RIMS2: variants seen among roughly 807,000 people sequenced by gnomAD.
The protein encoded by RIMS2 is regulating synaptic membrane exocytosis 2, also known as regulating synaptic membrane exocytosis protein 2.
A neutral mutation model predicts 174.4 loss-of-function variants in RIMS2; 59 were observed. That is an observed-to-expected ratio of 0.34 (90% CI 0.27 to 0.42). The LOEUF (loss-of-function observed/expected upper bound fraction) is 0.42. RIMS2 is among the 10% of genes least tolerant of loss of function. RIMS2 has a pLI of 1.00. For synonymous variants in RIMS2, 606 were observed against 572.5 expected, an observed-to-expected ratio of 1.06 and a Z score of -0.84; for missense variants, 1,620 against 1,666.3, an observed-to-expected ratio of 0.97 and a Z score of 0.48.
intron 3 of RIMS2, among the ~76,000 whole-genome samples, chr8:103,848,777 CT>C (rs1433161841): frequency 6.6e-6 from 1 of 151,964 alleles, no homozygotes; most frequent in Non-Finnish European, 1.5e-5. Context: ...TGACAGGACC[CT>C]CACTTTACCA....
rs1564536528 is a variant in RIMS2, at chr8:103,759,584, A to AAAAAG, written c.388-6633_388-6629dup. 7.3e-5 allele frequency among the ~76,000 whole-genome samples: 11 copies of AAAAAG among 150,958 alleles called. No individual in the cohort carries two copies. In the East Asian group the frequency reaches 9.7e-4, roughly 13 times the overall value. ...CGTCTCAAAAAAAAAAAAAAAAAAA[A>AAAAAG]AAAAGAAAAGAAAAAAGAAAGGCCA... is the stretch of plus-strand genomic sequence containing the variant. On this transcript the variant is annotated intron_variant, in intron 2 of 23. Transcript: ENST00000504942.
chr8:103,920,232 A>G (rs1595153643), intron 9 of RIMS2, among the ~76,000 whole-genome samples: 1 of 152,040 alleles, frequency 6.6e-6, no homozygotes, highest in East Asian at 1.9e-4. Context: ...TCCTCAATAA[A>G]TTATTTTCTT....
chr8:104,094,405 A>G (rs767147162), intron 19 of RIMS2: 8 of 582,406 alleles, frequency 1.4e-5, no homozygotes, highest in Admixed American at 3.2e-5. Context: ...GTTTAATTTC[A>G]TAAGTGTTTT....
intron 1 of RIMS2, among the ~76,000 whole-genome samples, chr8:103,504,846 C>CTTTTTTTTTTTTTTTTTTTTTTT (rs11367763): frequency 2.1e-5 from 2 of 95,092 alleles, no homozygotes; most frequent in Non-Finnish European, 3.9e-5. Context: ...TTCTTTCTTT[C>CTTTTTTTTTTTTTTTTTTTTTTT]TTTTTTTTTT....
exon 7 of RIMS2, chr8:103,915,579 G>A (rs1439121112): frequency 1.3e-6 from 2 of 1,580,914 alleles, no homozygotes; most frequent in East Asian, 2.2e-5. Flanking sequence ...TGATACTGTA[G>A]GACATCTTAG....
intron 16 of RIMS2, among the ~76,000 whole-genome samples, chr8:103,978,841 T>C (rs950252914): frequency 6.6e-6 from 1 of 152,224 alleles, no homozygotes; most frequent in Non-Finnish European, 1.5e-5. Flanking sequence ...GTCAAATTTA[T>C]TGTGCGACTC....
intron 1 of RIMS2, among the ~76,000 whole-genome samples, chr8:103,635,438 C>A (rs13257740): frequency 0.12 from 17,671 of 152,022 alleles, 1,368 homozygotes; most frequent in Non-Finnish European, 0.17. Flanking sequence ...TGGGAATGGG[C>A]ACCGACATAA....
chr8:104,053,586 A>G lies in RIMS2; in HGVS notation c.3334+38971A>G, dbSNP rs113670972. Among the ~76,000 whole-genome samples the G allele has an allele frequency of 4.4e-3, 663 of 152,312 alleles. 7 individuals are homozygous for G. Among genetic ancestry groups the G allele is most frequent in the African/African-American group, 0.015 (631 of 41,574 alleles). The stretch of plus-strand genomic sequence containing the variant: ...TCAAATTTCTTAACTCTTCTTTTAA[A>G]ATGCAGTCAATATTTCGGATAATTA... On this transcript the variant is annotated intron_variant, in intron 19 of 23. Coordinates refer to ENST00000504942, the Ensembl canonical transcript of RIMS2.
At chr8:104,175,221 T>C (rs1405372823) in intron 19 of RIMS2, among the ~76,000 whole-genome samples, 1 of 152,218 alleles carries the variant, frequency 6.6e-6, no homozygotes, top group Non-Finnish European at 1.5e-5. Flanking sequence ...AGTTTTTTTT[T>C]CAGAAATATC....
chr8:103,992,273 T>C (rs1017933696), intron 17 of RIMS2, among the ~76,000 whole-genome samples: 1 of 107,064 alleles, frequency 9.3e-6, no homozygotes, highest in Admixed American at 9.1e-5. Context: ...CATGTCCAGC[T>C]ATTTTTTTTT....
At chr8:103,623,610 G>T (rs1266935016) in intron 1 of RIMS2, among the ~76,000 whole-genome samples, 1 of 146,178 alleles carries the variant, frequency 6.8e-6, no homozygotes, top group Non-Finnish European at 1.5e-5. Context: ...TCAGCCTCCC[G>T]AGTAGCTGGG....
chr8:103,809,883 T>C (rs1362818285), intron 3 of RIMS2, among the ~76,000 whole-genome samples: 1 of 152,154 alleles, frequency 6.6e-6, no homozygotes, highest in East Asian at 1.9e-4. Flanking sequence ...ACAGGTAGGG[T>C]AAAAAATCCA....
intron 19 of RIMS2, among the ~76,000 whole-genome samples, chr8:104,038,959 T>C (rs1031028819): frequency 1.3e-5 from 2 of 151,840 alleles, no homozygotes; most frequent in African/African-American, 4.8e-5. Context: ...GCAAATGACT[T>C]AATTGATACT....
intron 1 of RIMS2, among the ~76,000 whole-genome samples, chr8:103,528,485 G>C (rs1487759524): frequency 1.3e-5 from 2 of 152,172 alleles, no homozygotes; most frequent in African/African-American, 4.8e-5. Flanking sequence ...GTCCTGAATG[G>C]TATTGCCTAG....
intron 19 of RIMS2, among the ~76,000 whole-genome samples, chr8:104,071,101 T>C (rs1008043888): frequency 1.3e-5 from 2 of 152,206 alleles, no homozygotes; most frequent in Admixed American, 6.5e-5. Context: ...GCAATGATTC[T>C]TGTTATAGAA....
intron 1 of RIMS2, among the ~76,000 whole-genome samples, chr8:103,524,344 ACATTTGAAATGAAG>A (rs150461825): frequency 0.065 from 9,888 of 152,188 alleles, 387 homozygotes; most frequent in South Asian, 0.087. Context: ...TAGTGCTGAT[ACATTTGAAATGAAG>A]CATTTGAAAT....
chr8:103,714,056 AC>A (rs759805592), intron 2 of RIMS2, among the ~76,000 whole-genome samples: 84 of 152,136 alleles, frequency 5.5e-4, no homozygotes, highest in African/African-American at 2.0e-3. Context: ...TTAACCACTC[AC>A]TTTTTTGTGC....
At chr8:104,250,428 T>C (rs1227480055) in intron 22 of RIMS2, among the ~76,000 whole-genome samples, 3 of 152,238 alleles carry the variant, frequency 2.0e-5, no homozygotes, top group African/African-American at 7.2e-5. Context: ...TGTGTTTATA[T>C]ATGTCTTAGA....
intron 1 of RIMS2, among the ~76,000 whole-genome samples, chr8:103,615,854 GA>G: frequency 6.6e-6 from 1 of 152,036 alleles, no homozygotes. Context: ...GACCAATAAT[GA>G]GCTCCAAAAT....
Sources: allele counts gnomAD v4.1 joint callset (sites outside exome capture counted in the v4.1 genomes callset), GRCh38; gene constraint gnomAD v4.1.1; transcripts MANE v1.5; gene names NCBI Gene and HGNC (gene_info 2026-07-23, HGNC 2026-07-21).